IL1RAPL1: variants seen among roughly 807,000 people sequenced by gnomAD.
The protein encoded by IL1RAPL1 is interleukin 1 receptor accessory protein like 1, also known as interleukin-1 receptor accessory protein-like 1.
Under a neutral mutation model 48.4 loss-of-function variants are expected in IL1RAPL1, and 3 were observed. The observed-to-expected ratio is 0.06, with a 90% confidence interval of 0.03 to 0.16. The LOEUF (loss-of-function observed/expected upper bound fraction) is 0.16, where lower values mean the gene tolerates loss of function less well. Among genes scored for constraint, IL1RAPL1 ranks in the 10% least tolerant of loss-of-function variants. The probability of loss-of-function intolerance (pLI) is 1.00; values close to 1 mark genes in which losing one functional copy is unlikely to be tolerated. For synonymous variants in IL1RAPL1, 185 were observed against 187.7 expected (o/e 0.99, Z 0.12); for missense variants, 349 against 530.6 (o/e 0.66, Z 3.36).
intron 3 of IL1RAPL1, among the ~76,000 whole-genome samples, chrX:29,381,609 G>T (rs1272855154): frequency 1.0e-5 from 1 of 99,787 alleles, no homozygotes; most frequent in Non-Finnish European, 2.0e-5. Flanking sequence ...GAGCCCAGGA[G>T]TTCAAGAACA....
At chrX:29,366,553 ATTTTTTTTTTTTT>A (rs34164964) in intron 3 of IL1RAPL1, among the ~76,000 whole-genome samples, 8 of 37,261 alleles carry the variant, frequency 2.1e-4, no homozygotes, top group South Asian at 5.3e-3. Context: ...TGATAGGTCA[ATTTTTTTTTTTTT>A]TTTTTTTTTT....
At chrX:29,813,754 T>A (rs1303252478) in intron 6 of IL1RAPL1, among the ~76,000 whole-genome samples, 1 of 110,704 alleles carries the variant, frequency 9.0e-6, no homozygotes, top group East Asian at 2.8e-4. Context: ...CCGCCCTGCA[T>A]CTGGTAATCT....
chrX:29,828,743 T>C (rs1165250270), intron 6 of IL1RAPL1, among the ~76,000 whole-genome samples: 1 of 111,955 alleles, frequency 8.9e-6, no homozygotes, highest in Non-Finnish European at 1.9e-5. Context: ...TATAGTTATA[T>C]GCCCATCATA....
intron 1 of IL1RAPL1, among the ~76,000 whole-genome samples, chrX:28,607,731 T>A (rs1601832608): frequency 9.0e-6 from 1 of 110,687 alleles, no homozygotes; most frequent in African/African-American, 3.3e-5. Flanking sequence ...GGATGGAATT[T>A]GACTATTTCA....
intron 2 of IL1RAPL1, among the ~76,000 whole-genome samples, chrX:29,131,682 G>T (rs1262813300): frequency 9.0e-6 from 1 of 111,268 alleles, no homozygotes; most frequent in Non-Finnish European, 1.9e-5. Flanking sequence ...AGTCACCTAG[G>T]GAACTTGGTA....
chrX:29,563,817 T>A (rs1356912774), intron 5 of IL1RAPL1, among the ~76,000 whole-genome samples: 1 of 112,196 alleles, frequency 8.9e-6, no homozygotes, highest in South Asian at 3.7e-4. Context: ...GAAGTGAAAT[T>A]GGCAATCCTG....
intron 5 of IL1RAPL1, among the ~76,000 whole-genome samples, chrX:29,492,967 G>A (rs765818438): frequency 2.3e-4 from 26 of 111,636 alleles, no homozygotes; most frequent in Admixed American, 5.7e-4. Flanking sequence ...ACAGAGCCAC[G>A]CTTCATCTCT....
intron 6 of IL1RAPL1, among the ~76,000 whole-genome samples, chrX:29,678,245 A>T (rs1171584928): frequency 9.1e-6 from 1 of 109,828 alleles, no homozygotes; most frequent in Non-Finnish European, 1.9e-5. Flanking sequence ...CATGAGTCCA[A>T]TACATAGAGT....
At chrX:29,486,125 A>G (rs1327409003) in intron 5 of IL1RAPL1, among the ~76,000 whole-genome samples, 1 of 111,120 alleles carries the variant, frequency 9.0e-6, no homozygotes, top group Non-Finnish European at 1.9e-5. Flanking sequence ...GACATCAGCA[A>G]TACCGACCTG....
intron 2 of IL1RAPL1, among the ~76,000 whole-genome samples, chrX:29,257,837 C>A (rs895945185): frequency 1.4e-4 from 15 of 111,061 alleles, no homozygotes; most frequent in Admixed American, 1.3e-3. Context: ...GAATTAGTCC[C>A]GGGGGAATTT....
chrX:29,248,895 C>G (rs774173397), intron 2 of IL1RAPL1, among the ~76,000 whole-genome samples: 1 of 111,716 alleles, frequency 9.0e-6, no homozygotes, highest in African/African-American at 3.3e-5. Context: ...TGTTGAATTG[C>G]ATAAGATTGG....
chrX:29,449,738 T>TAC (rs539577442), intron 5 of IL1RAPL1, among the ~76,000 whole-genome samples: 1,123 of 63,870 alleles, frequency 0.018, 21 homozygotes, highest in Non-Finnish European at 0.024. Flanking sequence ...TACATATGCA[T>TAC]ACACACACAC....
chrX:29,111,928 T>TC (rs1310027897), intron 2 of IL1RAPL1, among the ~76,000 whole-genome samples: 3 of 87,052 alleles, frequency 3.4e-5, no homozygotes, highest in Non-Finnish European at 4.5e-5. Context: ...CACTTTTCTT[T>TC]TTTTTTTTTT....
Position 29,812,687 on chromosome X carries a change from G to T in IL1RAPL1, c.779-104777G>T, listed in dbSNP as rs186761803. ...ATGATGAATTTTCTAAATCATTTCAGGTTATACCTTCCTCTCTGTGAGTTC... is the reference window on the plus strand; with the variant it reads ...ATGATGAATTTTCTAAATCATTTCATGTTATACCTTCCTCTCTGTGAGTTC... On this transcript the variant is annotated intron_variant, in intron 6 of 10. Transcript: ENST00000378993. Among the ~76,000 whole-genome samples, 436 of 111,220 alleles carry T rather than the reference G, an allele frequency of 3.9e-3. 3 individuals are homozygous for T. Among genetic ancestry groups the T allele is most frequent in the African/African-American group, 0.013 (410 of 30,664 alleles).
intron 2 of IL1RAPL1, among the ~76,000 whole-genome samples, chrX:29,021,215 G>GAAA (rs746008500): frequency 1.9e-4 from 8 of 41,952 alleles, no homozygotes; most frequent in Admixed American, 3.6e-4. Flanking sequence ...CCGTCTCAAG[G>GAAA]AAAAAAAAAA....
At chrX:29,556,219 A>T (rs1250816767) in intron 5 of IL1RAPL1, among the ~76,000 whole-genome samples, 1 of 112,097 alleles carries the variant, frequency 8.9e-6, no homozygotes. Context: ...TTAACAGTCG[A>T]AATTTGATTA....
intron 2 of IL1RAPL1, among the ~76,000 whole-genome samples, chrX:29,045,407 G>A (rs934782822): frequency 1.8e-5 from 2 of 111,925 alleles, no homozygotes; most frequent in African/African-American, 6.5e-5. Context: ...GCATGCAATT[G>A]CCAAGTAAAA....
At chrX:29,898,151 A>C (rs1461415031) in intron 6 of IL1RAPL1, among the ~76,000 whole-genome samples, 1 of 112,217 alleles carries the variant, frequency 8.9e-6, no homozygotes, top group East Asian at 2.8e-4. Context: ...ATATCGTTTG[A>C]CTAAACAGTG....
intron 2 of IL1RAPL1, among the ~76,000 whole-genome samples, chrX:29,237,160 C>T (rs1369733508): frequency 3.6e-5 from 4 of 111,518 alleles, no homozygotes; most frequent in Non-Finnish European, 7.5e-5. Flanking sequence ...ATGGAAATGT[C>T]AGTTTGCAGA....
Sources: allele counts gnomAD v4.1 joint callset (sites outside exome capture counted in the v4.1 genomes callset), GRCh38; gene constraint gnomAD v4.1.1; transcripts MANE v1.5; gene names NCBI Gene and HGNC (gene_info 2026-07-23, HGNC 2026-07-21).